Variants in BRMS1 observed in about 807,000 individuals in gnomAD.
BRMS1 encodes the protein BRMS1 transcriptional repressor and anoikis regulator.
BRMS1 carries 26 observed loss-of-function variants against 40.4 expected under a neutral mutation model. The ratio of observed to expected loss-of-function variants is 0.64; its 90% confidence interval spans 0.47 to 0.89. The LOEUF (loss-of-function observed/expected upper bound fraction) is 0.89, where lower values mean the gene tolerates loss of function less well. Ranked by LOEUF, BRMS1 falls within the 40% of genes least tolerant of loss-of-function variation. The probability of loss-of-function intolerance (pLI) is 0.00; values close to 1 mark genes in which losing one functional copy is unlikely to be tolerated. For synonymous variants in BRMS1, 103 were observed against 116.0 expected, an observed-to-expected ratio of 0.89 and a Z score of 0.72; for missense variants, 289 against 309.4, an observed-to-expected ratio of 0.93 and a Z score of 0.49.
chr11:66,337,785 G>A lies in BRMS1; in HGVS notation c.*97C>T. 10 of 1,613,888 alleles carry A rather than the reference G, an allele frequency of 6.2e-6. No homozygotes were observed. The highest frequency in any genetic ancestry group is 8.5e-6 in the Non-Finnish European group (10 of 1,179,900). On this transcript the variant is annotated 3_prime_UTR_variant, in exon 10 of 10. Coordinates refer to ENST00000359957, the MANE Select transcript of BRMS1 (RefSeq NM_015399.4). ...ACAGGAGCCTGGCTGGGCAGACCCTGAGGGGCCTGTGGGTCCGCCTGTCTG... is the reference window on the plus strand; with the variant it reads ...ACAGGAGCCTGGCTGGGCAGACCCTAAGGGGCCTGTGGGTCCGCCTGTCTG...
chr11:66,344,350 G>A (rs532967111), intron 1 of BRMS1, among the ~76,000 whole-genome samples: 2 of 152,292 alleles, frequency 1.3e-5, no homozygotes, highest in South Asian at 2.1e-4. Context: ...CTAGGTGAGT[G>A]TTTAGTCATA....
At chr11:66,338,828 C>T (rs763241834) in intron 7 of BRMS1, 43 bp from the exon 8 acceptor site, 76 of 1,512,152 alleles carry the variant, frequency 5.0e-5, no homozygotes, top group Non-Finnish European at 6.0e-5. Flanking sequence ...TGGCAGGTGA[C>T]GAGGGCAGGG....
At position 66,342,245 on chromosome 11, in the gene BRMS1, G is replaced by C. The variant is rs769659522; in HGVS notation, c.-7-4C>G. Reference sequence around the variant, plus strand: ...AGGCTGGACAGGCATCTGGACTCTGGGAGAAGGAATGGAGCTATCACTTAT... The same window carrying C: ...AGGCTGGACAGGCATCTGGACTCTGCGAGAAGGAATGGAGCTATCACTTAT... On this transcript the variant is annotated splice_polypyrimidine_tract_variant and splice_region_variant and intron_variant, in intron 1 of 9. Transcript: ENST00000359957. The C allele has an allele frequency of 6.2e-7, 1 of 1,612,032 alleles. No individual in the cohort carries two copies. Among genetic ancestry groups the C allele is most frequent in the Non-Finnish European group, 8.5e-7 (1 of 1,179,936 alleles).
chr11:66,341,701 G>A lies in BRMS1; in HGVS notation c.140-78C>T. 1 of 1,161,676 alleles carries A rather than the reference G, an allele frequency of 8.6e-7. No homozygotes were observed. Among genetic ancestry groups the A allele is most frequent in the South Asian group, 1.2e-5 (1 of 81,620 alleles). The allele number at this position is 1,161,676 out of a possible 1,614,324, so 72.0% of individuals were successfully genotyped here. A position where few individuals can be genotyped will look rare whatever the true frequency, so the allele number is the denominator to read the frequency against. On this transcript the variant is annotated intron_variant, in intron 2 of 9. Transcript: ENST00000359957. This position sits in a 1 kb window ranked among gnomAD's most constrained non-coding sequence, Gnocchi z 4.9. ...GCATGTGTGCATGTGCGTCCTGCAT[G>A]TGTGTGTGTGCATGCATGCCTGTGT...
intron 7 of BRMS1, among the ~76,000 whole-genome samples, chr11:66,339,531 G>A (rs1855017738): frequency 1.3e-5 from 2 of 152,218 alleles, no homozygotes; most frequent in Non-Finnish European, 2.9e-5. Context: ...GGGACAGGCA[G>A]GACTTCCAAG....
In BRMS1 at chr11:66,341,528, C is replaced by A; in HGVS notation, c.230+5G>T. The A allele has an allele frequency of 6.2e-7, 1 of 1,613,974 alleles. No homozygotes were observed. Among genetic ancestry groups the A allele is most frequent in the Non-Finnish European group, 8.5e-7 (1 of 1,179,886 alleles). On this transcript the variant is annotated splice_donor_5th_base_variant and intron_variant, in intron 3 of 9. Transcript: ENST00000359957. The surrounding 1 kb of genome is among the most constrained non-coding windows in gnomAD (Gnocchi z 4.9). ...AGACCCAGCCCAAGGTGTCCCCACG[C>A]TCACTTCTCCTTTAGCTCCGAGAAC...
At position 66,341,712 on chromosome 11, in the gene BRMS1, C is replaced by A. The variant is rs990271614; in HGVS notation, c.140-89G>T. The A allele has an allele frequency of 2.8e-6, 3 of 1,077,230 alleles. No individual in the cohort carries two copies. Among genetic ancestry groups the A allele is most frequent in the African/African-American group, 3.1e-5 (2 of 64,706 alleles). The allele number at this position is 1,077,230 out of a possible 1,614,324, so 66.7% of individuals were successfully genotyped here. ...TGTGCGTCCTGCATGTGTGTGTGTG[C>A]ATGCATGCCTGTGTGTAGGGCCTGT... On this transcript the variant is annotated intron_variant, in intron 2 of 9. Transcript: ENST00000359957. This position sits in a 1 kb window ranked among gnomAD's most constrained non-coding sequence, Gnocchi z 4.9.
rs1855029766 is a variant in BRMS1, at chr11:66,340,051, C to A, written c.628+70G>T. On this transcript the variant is annotated intron_variant, in intron 7 of 9. Coordinates refer to ENST00000359957, the MANE Select transcript of BRMS1 (RefSeq NM_015399.4). ...GACTGTCCTCCATGTCCCCTCCAAC[C>A]CCCTCCCCTGGGTCTGGAGTTGACC... 5 of 1,344,968 alleles carry A rather than the reference C, an allele frequency of 3.7e-6. No homozygotes were observed. The Admixed American group carries it at 6.9e-5, about 19-fold the overall frequency. 83.3% of individuals were successfully genotyped at this position (1,344,968 alleles called of 1,614,324 possible). A position where few individuals can be genotyped will look rare whatever the true frequency, so the allele number is the denominator to read the frequency against.
rs754262414 is a variant in BRMS1 at position 66,337,477 on chromosome 11, C to T, written c.*405G>A. ...CAGACCCCCAGATAATCACGTCTGA[C>T]TCAGAGTTCCCGCACAGTGGAAACT... On this transcript the variant is annotated 3_prime_UTR_variant, in exon 10 of 10. Coordinates refer to ENST00000359957, the MANE Select transcript of BRMS1 (RefSeq NM_015399.4). 3.5e-6 allele frequency: 2 copies of T among 574,846 alleles called. No homozygotes were observed. Among genetic ancestry groups the T allele is most frequent in the East Asian group, 2.8e-5 (1 of 35,738 alleles). The allele number at this position is 574,846 out of a possible 1,614,324, so 35.6% of individuals were successfully genotyped here. A position where few individuals can be genotyped will look rare whatever the true frequency, so the allele number is the denominator to read the frequency against.
intron 9 of BRMS1, 58 bp from the exon 10 acceptor site, chr11:66,337,947 G>A: frequency 6.4e-7 from 1 of 1,558,442 alleles, no homozygotes; most frequent in Non-Finnish European, 8.8e-7. Flanking sequence ...AAGGAAGGAG[G>A]CAGCCACTTA....
At chr11:66,342,023 G>A in intron 2 of BRMS1, 73 bp downstream of exon 2, 1 of 1,505,338 alleles carries the variant, frequency 6.6e-7, no homozygotes, top group South Asian at 1.2e-5. Flanking sequence ...TGTGTGTAGG[G>A]GCTGTGTGTG....
rs541164374 is a variant in BRMS1 at position 66,341,220 on chromosome 11, C to T, written c.344G>A (p.Arg115His). The change falls in exon 4 of 10, where the codon CGC (arginine) becomes CAC (histidine). Residue 115 changes from arginine (R) to histidine (H), a missense_variant. Transcript: ENST00000359957. This position sits in a 1 kb window ranked among gnomAD's most constrained non-coding sequence, Gnocchi z 4.9. ...CACCCACAGACCTGCCACCTGAATG[C>T]GAATCTTGAGGCTCCGCTGCAGCCC... ...LGGLQRSLKI[R>H]IQVAGIYKGF... 9 of 1,611,852 alleles carry T rather than the reference C, an allele frequency of 5.6e-6. No individual in the cohort carries two copies. The highest frequency in any genetic ancestry group is 2.2e-5 in the East Asian group (1 of 44,812).
Position 66,341,462 on chromosome 11 carries a change from C to T in BRMS1, c.230+71G>A. On this transcript the variant is annotated intron_variant, in intron 3 of 9. Transcript: ENST00000359957. The surrounding 1 kb of genome is among the most constrained non-coding windows in gnomAD (Gnocchi z 4.9). ...ACTTCCTGGGCACCAACCACGCCTG[C>T]CCAGTACCAGGCCCACCACCTCCTC... 7 of 1,599,786 alleles carry T rather than the reference C, an allele frequency of 4.4e-6. No homozygotes were observed. The highest frequency in any genetic ancestry group is 6.0e-6 in the Non-Finnish European group (7 of 1,167,880).
chr11:66,338,775 G>A lies in BRMS1; in HGVS notation c.639C>T (p.Ile213=), dbSNP rs201158226. 34 of 1,559,340 alleles carry A rather than the reference G, an allele frequency of 2.2e-5. No individual in the cohort carries two copies. The highest frequency in any genetic ancestry group is 1.7e-4 in the Middle Eastern group (1 of 5,806). ...KKAPLVSGPY[I]VYMLQEIDIL... is the part of the protein sequence containing the mutation. ...TGTCGATCTCTTGAAGCATGTACAC[G>A]ATGTATGGGCCTGTGGTGGGGGTCA... The change falls in exon 8 of 10, where the codon ATC becomes ATT. Residue 213 remains isoleucine (I), a synonymous_variant. Transcript: ENST00000359957.
intron 2 of BRMS1, 40 bp downstream of exon 2, chr11:66,342,033 GTGCATGTGTGTGTGTAGGGGCTC>G (rs1855095786): frequency 1.2e-5 from 18 of 1,534,284 alleles, no homozygotes; most frequent in Admixed American, 7.4e-5. Flanking sequence ...GGCTGTGTGT[GTGCATGTGTGTGTGTAGGGGCTC>G]TGTGTGTGTG....
chr11:66,338,644 C>T (rs1341805669), intron 8 of BRMS1, 77 bp downstream of exon 8: 1 of 1,610,350 alleles, frequency 6.2e-7, no homozygotes. Context: ...AACTCCCAGG[C>T]CTGCAGATGG....
rs1004521001 is a variant in BRMS1 at position 66,341,961 on chromosome 11, G to A, written c.139+135C>T. ...GTGCGTGTGTGCGCTTGTGTGCAGG[G>A]TCTGTGTATGTGCTTGTGTGTAGGC... On this transcript the variant is annotated intron_variant, in intron 2 of 9. Transcript: ENST00000359957. The surrounding 1 kb of genome is among the most constrained non-coding windows in gnomAD (Gnocchi z 4.9). 2.0e-5 allele frequency: 19 copies of A among 968,158 alleles called. No homozygotes were observed. The highest frequency in any genetic ancestry group is 2.9e-5 in the Non-Finnish European group (19 of 650,250). The allele number at this position is 968,158 out of a possible 1,614,324, so 60.0% of individuals were successfully genotyped here. A position where few individuals can be genotyped will look rare whatever the true frequency, so the allele number is the denominator to read the frequency against.
chr11:66,343,282 A>G (rs1855126008), intron 1 of BRMS1, among the ~76,000 whole-genome samples: 1 of 152,180 alleles, frequency 6.6e-6, no homozygotes, highest in Non-Finnish European at 1.5e-5. Context: ...TTCAGTGCTT[A>G]TTTTAATTGT....
At chr11:66,338,206 G>C (rs373024957) in intron 9 of BRMS1, 37 bp downstream of exon 9, 79 of 1,606,296 alleles carry the variant, frequency 4.9e-5, no homozygotes, top group African/African-American at 6.7e-5. Context: ...TGATGGCAAG[G>C]GGGCAGGGAA....
Sources: gnomAD v4.1 joint callset for allele counts (sites outside exome capture counted in the v4.1 genomes callset) on GRCh38, gnomAD v4.1.1 for gene constraint, Gnocchi (gnomAD v3.1) non-coding constraint, MANE v1.5 for transcripts, NCBI Gene and HGNC (gene_info 2026-07-23, HGNC 2026-07-21) for gene names.